Variants in ULK4 observed in about 807,000 individuals in gnomAD.
ULK4 encodes unc-51 like kinase 4, also known as inactive serine/threonine-protein kinase ULK4.
In ULK4, 133 loss-of-function variants were observed where a neutral mutation model predicts 160.6. The ratio of observed to expected loss-of-function variants is 0.83; its 90% CI spans 0.72 to 0.96. The LOEUF (loss-of-function observed/expected upper bound fraction) is 0.96. Ranked by LOEUF, ULK4 falls within the 40% of genes least tolerant of loss-of-function variation. The pLI, the probability that ULK4 is intolerant of heterozygous loss-of-function variation, is 0.00. For synonymous variants in ULK4, 534 were observed against 539.8 expected (o/e 0.99, Z 0.15); for missense variants, 1,580 against 1,499.5 (o/e 1.05, Z -0.89).
intron 35 of ULK4, among the ~76,000 whole-genome samples, chr3:41,283,968 A>G (rs1156729051): frequency 1.3e-5 from 2 of 150,822 alleles, no homozygotes; most frequent in Non-Finnish European, 2.9e-5. Context: ...GCTGCCAAAA[A>G]TAAATAAATA....
chr3:41,399,363 T>C (rs1050093093), intron 34 of ULK4, among the ~76,000 whole-genome samples: 1 of 152,194 alleles, frequency 6.6e-6, no homozygotes, highest in African/African-American at 2.4e-5. Context: ...CTTTATATAG[T>C]TGAGTTCTAA....
chr3:41,361,218 C>T (rs2081135599), intron 35 of ULK4, among the ~76,000 whole-genome samples: 1 of 152,084 alleles, frequency 6.6e-6, no homozygotes, highest in Admixed American at 6.6e-5. Flanking sequence ...CTGAGGTGTT[C>T]TCTCCTTATC....
chr3:41,948,036 C>T (rs956310631), intron 2 of ULK4, among the ~76,000 whole-genome samples: 3 of 152,168 alleles, frequency 2.0e-5, no homozygotes, highest in Non-Finnish European at 4.4e-5. Flanking sequence ...CTTTCCCACA[C>T]GTGACCGACC....
intron 22 of ULK4, among the ~76,000 whole-genome samples, chr3:41,720,024 A>G (rs1309349234): frequency 1.3e-5 from 2 of 152,124 alleles, no homozygotes; most frequent in Admixed American, 6.6e-5. Context: ...ATTCATATGC[A>G]TATTTCATAA....
chr3:41,727,606 TAGCTACAGCACAGTGTAAGAAA>T (rs1471687524), intron 22 of ULK4, among the ~76,000 whole-genome samples: 1 of 152,212 alleles, frequency 6.6e-6, no homozygotes, highest in Non-Finnish European at 1.5e-5. Context: ...TGTACTTGTG[TAGCTACAGCACAGTGTAAGAAA>T]AGATCAGAGA....
intron 35 of ULK4, among the ~76,000 whole-genome samples, chr3:41,390,910 T>G (rs1215757570): frequency 6.6e-6 from 1 of 151,240 alleles, no homozygotes. Context: ...GAGTTCATTT[T>G]GTATCTTTTA....
chr3:41,590,658 AC>A (rs753854757), intron 31 of ULK4, among the ~76,000 whole-genome samples: 15 of 151,762 alleles, frequency 9.9e-5, no homozygotes, highest in Non-Finnish European at 1.9e-4. Flanking sequence ...AAACAAAAAA[AC>A]AAATACATCT....
At position 41,782,875 on chromosome 3, in the gene ULK4, A is replaced by G. The variant is rs1221798215; in HGVS notation, c.2193+6786T>C. On this transcript the variant is annotated intron_variant, in intron 21 of 36. Transcript: ENST00000301831. ...GTGCAAAAGAGGACTGTAGGAATGA[A>G]TTGCAATACCTTTAAATGATCGTAT... Among the ~76,000 whole-genome samples the G allele has an allele frequency of 2.6e-5, 4 of 152,198 alleles. No homozygotes were observed. The East Asian group carries it at 7.7e-4, about 29-fold the overall frequency.
At position 41,552,747 on chromosome 3, in the gene ULK4, T is replaced by G. The variant is rs527327688; in HGVS notation, c.3226+13278A>C. Among the ~76,000 whole-genome samples the G allele has an allele frequency of 3.3e-5, 5 of 151,968 alleles. No individual in the cohort carries two copies. In the East Asian group the frequency reaches 7.7e-4, roughly 23 times the overall value. On this transcript the variant is annotated intron_variant, in intron 32 of 36. Coordinates refer to ENST00000301831, the MANE Select transcript of ULK4 (RefSeq NM_017886.4). Reference sequence around the variant, plus strand: ...TTACAGAAATAGAAAAAAAAAATCCTTAAATTCATATGGAACCCAAAAAGA... The same window carrying G: ...TTACAGAAATAGAAAAAAAAAATCCGTAAATTCATATGGAACCCAAAAAGA...
intron 17 of ULK4, among the ~76,000 whole-genome samples, chr3:41,850,942 G>A (rs1264241644): frequency 6.6e-6 from 1 of 152,146 alleles, no homozygotes; most frequent in Non-Finnish European, 1.5e-5. Context: ...ATGGTTTTAG[G>A]TCTAATGTTT....
intron 19 of ULK4, among the ~76,000 whole-genome samples, chr3:41,815,226 T>G (rs2040929566): frequency 6.6e-6 from 1 of 152,184 alleles, no homozygotes; most frequent in African/African-American, 2.4e-5. Flanking sequence ...TTATAGTCAT[T>G]TTCTCTTAAC....
intron 30 of ULK4, among the ~76,000 whole-genome samples, chr3:41,642,424 G>A (rs1487753175): frequency 6.6e-6 from 1 of 151,980 alleles, no homozygotes; most frequent in Non-Finnish European, 1.5e-5. Flanking sequence ...CCACCTATGA[G>A]TGAGAACATG....
At chr3:41,831,012 T>TA (rs1358667647) in intron 18 of ULK4, among the ~76,000 whole-genome samples, 41 of 96,996 alleles carry the variant, frequency 4.2e-4, no homozygotes, top group South Asian at 2.2e-3. Flanking sequence ...TTATTATTTT[T>TA]TTTATTTATT....
At chr3:41,524,420 G>C (rs941253854) in intron 32 of ULK4, among the ~76,000 whole-genome samples, 1 of 152,170 alleles carries the variant, frequency 6.6e-6, no homozygotes, top group Non-Finnish European at 1.5e-5. Context: ...CTTTCAAAGA[G>C]ATGCCCAGTA....
chr3:41,520,397 C>A (rs1042891855), intron 32 of ULK4, among the ~76,000 whole-genome samples: 1 of 152,134 alleles, frequency 6.6e-6, no homozygotes, highest in Non-Finnish European at 1.5e-5. Flanking sequence ...ACTTTAATTC[C>A]TTTTTATGGC....
At chr3:41,317,513 T>A (rs573164726) in intron 35 of ULK4, among the ~76,000 whole-genome samples, 1 of 152,332 alleles carries the variant, frequency 6.6e-6, no homozygotes, top group South Asian at 2.1e-4. Flanking sequence ...TAATGATTAT[T>A]GATAATGATA....
At chr3:41,732,527 T>C (rs950743491) in intron 22 of ULK4, among the ~76,000 whole-genome samples, 1 of 152,004 alleles carries the variant, frequency 6.6e-6, no homozygotes, top group African/African-American at 2.4e-5. Flanking sequence ...AGAGGGAAGG[T>C]AAATTAGTAT....
At chr3:41,674,014 A>C (rs2035622420) in intron 29 of ULK4, among the ~76,000 whole-genome samples, 1 of 152,198 alleles carries the variant, frequency 6.6e-6, no homozygotes, top group African/African-American at 2.4e-5. Context: ...ATATATATTT[A>C]TGGAATGAAT....
chr3:41,859,760 C>T (rs1365199602), intron 17 of ULK4, among the ~76,000 whole-genome samples: 2 of 151,828 alleles, frequency 1.3e-5, no homozygotes, highest in African/African-American at 4.8e-5. Flanking sequence ...CAGGTTCAAG[C>T]AATTCTCCTG....
Sources: allele counts gnomAD v4.1 joint callset (sites outside exome capture counted in the v4.1 genomes callset), GRCh38; gene constraint gnomAD v4.1.1; transcripts MANE v1.5; gene names NCBI Gene and HGNC (gene_info 2026-07-23, HGNC 2026-07-21).